Variants in TMEM65 observed in about 807,000 individuals in gnomAD.
TMEM65 encodes transmembrane protein 65.
A neutral mutation model predicts 25.4 loss-of-function variants in TMEM65; 22 were observed. That is an observed-to-expected ratio of 0.86 (90% CI 0.62 to 1.23). The LOEUF is 1.23. TMEM65 is among the 50% of genes most tolerant of loss of function. The pLI, the probability that TMEM65 is intolerant of heterozygous loss-of-function variation, is 0.00. For synonymous variants in TMEM65, 132 were observed against 126.2 expected (o/e 1.05, Z -0.31); for missense variants, 262 against 308.2 (o/e 0.85, Z 1.12).
At chr8:124,359,509 T>C (rs1024969771) in intron 1 of TMEM65, among the ~76,000 whole-genome samples, 15 of 152,260 alleles carry the variant, frequency 9.9e-5, no homozygotes, top group Admixed American at 5.2e-4. Context: ...TGGGAGACCA[T>C]GGCAGGCAGA....
At chr8:124,328,074 A>G (rs1157054507) in intron 2 of TMEM65, among the ~76,000 whole-genome samples, 1 of 152,118 alleles carries the variant, frequency 6.6e-6, no homozygotes, top group African/African-American at 2.4e-5. Context: ...GCTACCAAAA[A>G]CACACCTTAC....
At chr8:124,337,818 T>A (rs979568814) in intron 1 of TMEM65, among the ~76,000 whole-genome samples, 30 of 152,078 alleles carry the variant, frequency 2.0e-4, no homozygotes, top group African/African-American at 7.2e-4. Flanking sequence ...GGGGTTTGAC[T>A]GCAAATATTT....
intron 1 of TMEM65, among the ~76,000 whole-genome samples, chr8:124,361,602 G>A (rs184756323): frequency 3.3e-5 from 5 of 152,042 alleles, no homozygotes; most frequent in African/African-American, 9.6e-5. Context: ...GGGAGCAGAG[G>A]CGGGTGAATC....
At chr8:124,351,112 C>T (rs962660973) in intron 1 of TMEM65, 38 of 984,766 alleles carry the variant, frequency 3.9e-5, no homozygotes, top group Admixed American at 6.2e-5. Flanking sequence ...TTTGGGATAT[C>T]TGCATGCTAA....
chr8:124,349,394 T>C (rs1344414349), intron 1 of TMEM65, among the ~76,000 whole-genome samples: 1 of 152,074 alleles, frequency 6.6e-6, no homozygotes, highest in East Asian at 1.9e-4. Flanking sequence ...TGATACATCA[T>C]AGTTACCAAA....
intron 1 of TMEM65, among the ~76,000 whole-genome samples, chr8:124,358,025 T>C (rs1009663443): frequency 2.0e-5 from 3 of 151,944 alleles, no homozygotes; most frequent in Admixed American, 1.3e-4. Flanking sequence ...AGACACGGTT[T>C]CGCCATGTTA....
At chr8:124,344,978 C>T (rs574333726) in intron 1 of TMEM65, among the ~76,000 whole-genome samples, 17 of 152,144 alleles carry the variant, frequency 1.1e-4, no homozygotes, top group African/African-American at 3.9e-4. Flanking sequence ...TGTCAATGCC[C>T]AAAATTTTGG....
intron 6 of TMEM65, among the ~76,000 whole-genome samples, chr8:124,319,732 T>G (rs1483359759): frequency 6.6e-6 from 1 of 152,122 alleles, no homozygotes; most frequent in Non-Finnish European, 1.5e-5. Flanking sequence ...CATTACTGCA[T>G]ATGTCATACC....
Position 124,359,499 on chromosome 8 carries a change from T to A in TMEM65, c.304+12355A>T, listed in dbSNP as rs538494449. Among the ~76,000 whole-genome samples the A allele has an allele frequency of 3.3e-5, 5 of 152,310 alleles. No homozygotes were observed. The South Asian group carries it at 1.0e-3, about 32-fold the overall frequency. ...GATCATGCCTGTAATGCCAGCACATTGGGAGACCATGGCAGGCAGATCCCT... is the reference window on the plus strand; with the variant it reads ...GATCATGCCTGTAATGCCAGCACATAGGGAGACCATGGCAGGCAGATCCCT... On this transcript the variant is annotated intron_variant, in intron 1 of 6. Transcript: ENST00000297632.
At chr8:124,315,372 A>C (rs963284662) in intron 6 of TMEM65, among the ~76,000 whole-genome samples, 5 of 150,268 alleles carry the variant, frequency 3.3e-5, no homozygotes, top group African/African-American at 1.2e-4. Flanking sequence ...CCCAGGTTGG[A>C]GTGCAGTGAT....
At chr8:124,349,474 A>G (rs1411294781) in intron 1 of TMEM65, among the ~76,000 whole-genome samples, 3 of 152,220 alleles carry the variant, frequency 2.0e-5, no homozygotes, top group East Asian at 1.9e-4. Flanking sequence ...GGAAACTATT[A>G]CATGGTTCCA....
intron 1 of TMEM65, among the ~76,000 whole-genome samples, chr8:124,358,992 C>T (rs769737452): frequency 6.0e-4 from 92 of 152,142 alleles, no homozygotes; most frequent in Non-Finnish European, 1.2e-3. Flanking sequence ...GGGTCCAGGA[C>T]AGAATTGGAT....
At position 124,323,393 on chromosome 8, in the gene TMEM65, AT is replaced by A; in HGVS notation, c.418-19del. ...TGGGTTCCCTGAAATATGATAAAAA[AT>A]TAATCTTAAAAATTAAAGCTGAAGT... is the stretch of plus-strand genomic sequence containing the variant. On this transcript the variant is annotated intron_variant, in intron 3 of 6. Transcript: ENST00000297632. The A allele has an allele frequency of 7.2e-7, 1 of 1,391,078 alleles. No individual in the cohort carries two copies. Among genetic ancestry groups the A allele is most frequent in the Non-Finnish European group, 9.9e-7 (1 of 1,005,934 alleles). The allele number at this position is 1,391,078 out of a possible 1,614,324, so 86.2% of individuals were successfully genotyped here. A position where few individuals can be genotyped will look rare whatever the true frequency, so the allele number is the denominator to read the frequency against.
rs144957064 is a variant in TMEM65 at position 124,318,363 on chromosome 8, G to GTTTTTTTTTTTTTTTTTTT, written c.621+1722_621+1723insAAAAAAAAAAAAAAAAAAA. On this transcript the variant is annotated intron_variant, in intron 6 of 6. Coordinates refer to ENST00000297632, the MANE Select transcript of TMEM65 (RefSeq NM_194291.3). The stretch of plus-strand genomic sequence containing the variant: ...TTGTTTTAAGCTGCTGAATTTGCAT[G>GTTTTTTTTTTTTTTTTTTT]TTTTTGTTTTTTTTTTTTTTTTTTT... Among the ~76,000 whole-genome samples, 6 of 73,840 alleles carry GTTTTTTTTTTTTTTTTTTT rather than the reference G, an allele frequency of 8.1e-5. 1 individual carries two copies. The highest frequency in any genetic ancestry group is 2.3e-4 in the Admixed American group (1 of 4,268). 48.4% of individuals were successfully genotyped at this position (73,840 alleles called of 152,430 possible).
chr8:124,309,576 A>C lies in TMEM65; in HGVS notation c.*4384T>G, dbSNP rs535722245. On this transcript the variant is annotated 3_prime_UTR_variant, in exon 7 of 7. Coordinates refer to ENST00000297632, the MANE Select transcript of TMEM65 (RefSeq NM_194291.3). ...ACATATCTGAGATTTTCTTAACACC[A>C]ACTTTCTAGTACCTAGCATGATACT... is the stretch of plus-strand genomic sequence containing the variant. 3 of 152,328 alleles carry C rather than the reference A, an allele frequency of 2.0e-5. No homozygotes were observed. In the East Asian group the frequency reaches 5.8e-4, roughly 29 times the overall value. The allele number at this position is 152,328 out of a possible 1,614,324, so 9.4% of individuals were successfully genotyped here.
At chr8:124,350,366 CAAAT>C (rs1312956435) in intron 1 of TMEM65, among the ~76,000 whole-genome samples, 1 of 151,768 alleles carries the variant, frequency 6.6e-6, no homozygotes, top group Non-Finnish European at 1.5e-5. Flanking sequence ...TAATCAGAAA[CAAAT>C]AAAACAGGGA....
intron 1 of TMEM65, among the ~76,000 whole-genome samples, chr8:124,368,746 C>G (rs1166952289): frequency 1.3e-5 from 2 of 152,308 alleles, no homozygotes; most frequent in East Asian, 1.9e-4. Context: ...CCAGTTAAGA[C>G]TTCAGATGAT....
intron 1 of TMEM65, among the ~76,000 whole-genome samples, chr8:124,361,721 A>G (rs1466897276): frequency 1.3e-5 from 2 of 151,606 alleles, no homozygotes; most frequent in Admixed American, 1.3e-4. Context: ...CTGTAATCCC[A>G]GCTACTCAGC....
intron 2 of TMEM65, among the ~76,000 whole-genome samples, 181 bp from the exon 3 acceptor site, chr8:124,327,602 A>C (rs1814380882): frequency 6.6e-6 from 1 of 152,040 alleles, no homozygotes; most frequent in Non-Finnish European, 1.5e-5. Flanking sequence ...GGGAAAAAAC[A>C]AAACAAACCA....
Sources: gnomAD v4.1 joint callset for allele counts (sites outside exome capture counted in the v4.1 genomes callset) on GRCh38, gnomAD v4.1.1 for gene constraint, MANE v1.5 for transcripts, NCBI Gene and HGNC (gene_info 2026-07-23, HGNC 2026-07-21) for gene names.